GOLGA4: variants seen among roughly 807,000 people sequenced by gnomAD.
The protein encoded by GOLGA4 is golgin A4.
Under a neutral mutation model 265.9 loss-of-function variants are expected in GOLGA4, and 169 were observed. That is an observed-to-expected ratio of 0.64 (90% CI 0.56 to 0.72). The LOEUF (loss-of-function observed/expected upper bound fraction) is 0.72. GOLGA4 is among the 30% of genes least tolerant of loss of function. The pLI, the probability that GOLGA4 is intolerant of heterozygous loss-of-function variation, is 0.00. For missense variants in GOLGA4, 2,482 were observed against 2,483.4 expected (o/e 1.00, Z 0.01); for synonymous variants, 923 against 855.8 (o/e 1.08, Z -1.37).
intron 20 of GOLGA4, among the ~76,000 whole-genome samples, chr3:37,345,288 T>C (rs1203693278): frequency 6.6e-6 from 1 of 152,214 alleles, no homozygotes; most frequent in Non-Finnish European, 1.5e-5. Context: ...TGATTGTAAA[T>C]GTAATATTTA....
Position 37,296,180 on chromosome 3 carries a change from A to G in GOLGA4, c.775A>G (p.Thr259Ala). 6.2e-7 allele frequency: 1 copy of G among 1,614,034 alleles called. No individual in the cohort carries two copies. The highest frequency in any genetic ancestry group is 1.1e-5 in the South Asian group (1 of 91,080). Residue 259 changes from threonine (T) to alanine (A), a missense_variant, in exon 7 of 24, where the codon ACT becomes GCT. By Grantham distance (58) the Thr-to-Ala change is moderately conservative (BLOSUM62 0). Transcript: ENST00000361924. ...GCTGGAACCACAGGCTGAAGTCTTC[A>G]CTAAAGAAGAGAATCCAGAAAGTGA... ...PQLEPQAEVF[T>A]KEENPESDGE...
At chr3:37,347,348 T>C (rs928493738) in intron 21 of GOLGA4, 52 bp downstream of exon 21, 7 of 1,026,394 alleles carry the variant, frequency 6.8e-6, no homozygotes, top group African/African-American at 6.3e-5. Flanking sequence ...AAAAGAAATA[T>C]GTTCCACTTT....
intron 22 of GOLGA4, among the ~76,000 whole-genome samples, chr3:37,356,094 A>G (rs1287781332): frequency 6.6e-6 from 1 of 152,148 alleles, no homozygotes; most frequent in Non-Finnish European, 1.5e-5. Flanking sequence ...GTTTTCTTAC[A>G]AAAGTTCTTG....
At chr3:37,353,765 A>AT (rs1187542377) in intron 21 of GOLGA4, among the ~76,000 whole-genome samples, 1 of 151,890 alleles carries the variant, frequency 6.6e-6, no homozygotes, top group Non-Finnish European at 1.5e-5. Context: ...AATTTTTAAA[A>AT]TTTTTTGTAG....
chr3:37,366,115 A>G lies in GOLGA4; in HGVS notation c.*69A>G, dbSNP rs1236246588. On this transcript the variant is annotated 3_prime_UTR_variant, in exon 24 of 24. Transcript: ENST00000361924. The stretch of plus-strand genomic sequence containing the variant: ...GATCTTCATCTTGAAGAAGAGTGAC[A>G]TTGGGTGACTGCTGCTTGGAAAACT... The G allele has an allele frequency of 3.9e-6, 6 of 1,520,636 alleles. No homozygotes were observed. Among genetic ancestry groups the G allele is most frequent in the Non-Finnish European group, 5.3e-6 (6 of 1,137,146 alleles). 94.2% of individuals were successfully genotyped at this position (1,520,636 alleles called of 1,614,324 possible). A position where few individuals can be genotyped will look rare whatever the true frequency, so the allele number is the denominator to read the frequency against.
chr3:37,276,193 A>C, intron 2 of GOLGA4: 1 of 1,585,106 alleles, frequency 6.3e-7, no homozygotes, highest in African/African-American at 1.3e-5. Context: ...ATGAGGAAGA[A>C]TTAGGATCTC....
chr3:37,292,320 A>G (rs1455742512), intron 5 of GOLGA4, among the ~76,000 whole-genome samples: 3 of 152,180 alleles, frequency 2.0e-5, no homozygotes, highest in Admixed American at 2.0e-4. Flanking sequence ...TAGGGCCACT[A>G]ACTGTTGTAT....
At chr3:37,279,473 G>T (rs2096828679) in intron 2 of GOLGA4, among the ~76,000 whole-genome samples, 1 of 152,204 alleles carries the variant, frequency 6.6e-6, no homozygotes, top group South Asian at 2.1e-4. Flanking sequence ...TAATACAGTG[G>T]CACATGTGCA....
In GOLGA4 at chr3:37,257,968, TAC is replaced by T. The variant is rs1353949230; in HGVS notation, c.162+6486_162+6487del. 6.7e-3 allele frequency among the ~76,000 whole-genome samples: 695 copies of T among 104,452 alleles called. 124 individuals are homozygous for T. Among genetic ancestry groups the T allele is most frequent in the African/African-American group, 0.029 (645 of 22,610 alleles). 68.5% of individuals were successfully genotyped at this position (104,452 alleles called of 152,430 possible). On this transcript the variant is annotated intron_variant, in intron 2 of 23. Coordinates refer to ENST00000361924, the MANE Select transcript of GOLGA4 (RefSeq NM_002078.5). ...ATATATGTATGTATATATGTATATA[TAC>T]ATACATATATATATGTATGTATATA...
intron 5 of GOLGA4, among the ~76,000 whole-genome samples, chr3:37,293,467 G>A (rs2096870198): frequency 6.6e-6 from 1 of 152,120 alleles, no homozygotes; most frequent in African/African-American, 2.4e-5. Context: ...GTAAAAGATA[G>A]GATCTAAACA....
At chr3:37,329,310 G>A (rs998558198) in intron 16 of GOLGA4, 3 of 380,104 alleles carry the variant, frequency 7.9e-6, no homozygotes, top group Non-Finnish European at 1.4e-5. Context: ...TGCTAACTAG[G>A]CAGCACAGTC....
intron 21 of GOLGA4, among the ~76,000 whole-genome samples, chr3:37,351,442 C>G (rs2097074202): frequency 1.3e-5 from 2 of 152,142 alleles, no homozygotes; most frequent in African/African-American, 4.8e-5. Context: ...ACATTTTGAT[C>G]TCTTCCCATG....
chr3:37,258,765 C>A (rs1379550492), intron 2 of GOLGA4, among the ~76,000 whole-genome samples: 1 of 152,090 alleles, frequency 6.6e-6, no homozygotes, highest in Non-Finnish European at 1.5e-5. Flanking sequence ...TTCCTAAATC[C>A]TTTATTATAT....
At chr3:37,328,560 A>G (rs749605054) in intron 15 of GOLGA4, 23 bp downstream of exon 15, 2 of 1,595,342 alleles carry the variant, frequency 1.3e-6, no homozygotes, top group Admixed American at 1.7e-5. Context: ...AAGTTCCATA[A>G]GGAACAATTA....
chr3:37,335,199 CT>C lies in GOLGA4; in HGVS notation c.6306+35del, dbSNP rs750249610. The C allele has an allele frequency of 1.2e-5, 13 of 1,091,294 alleles. No homozygotes were observed. The Admixed American group carries it at 2.3e-4, about 19-fold the overall frequency. 67.6% of individuals were successfully genotyped at this position (1,091,294 alleles called of 1,614,324 possible). On this transcript the variant is annotated intron_variant, in intron 17 of 23. Transcript: ENST00000361924. ...GAGTTTGAGTTTGCTGCACATGTTT[CT>C]TGAAAACATTGTCATTTCTGTGATT...
At chr3:37,335,260 C>G (rs1019678507) in intron 17 of GOLGA4, 94 bp downstream of exon 17, 5 of 667,212 alleles carry the variant, frequency 7.5e-6, no homozygotes, top group Admixed American at 2.7e-5. Flanking sequence ...ATATTTATCT[C>G]ATTTAATCCT....
At chr3:37,272,458 G>A (rs951482225) in intron 2 of GOLGA4, among the ~76,000 whole-genome samples, 7 of 152,176 alleles carry the variant, frequency 4.6e-5, no homozygotes, top group African/African-American at 1.7e-4. Flanking sequence ...GATCCCTTGA[G>A]ACTGGGAGCT....
chr3:37,321,944 T>C (rs2096956123), intron 13 of GOLGA4, 58 bp downstream of exon 13: 1 of 1,399,422 alleles, frequency 7.1e-7, no homozygotes, highest in African/African-American at 1.4e-5. Flanking sequence ...TATGAAAATT[T>C]GTTGTCTCTA....
Position 37,315,473 on chromosome 3 carries a change from C to T in GOLGA4, c.1288C>T (p.Arg430Trp), listed in dbSNP as rs373660326. The change falls in exon 11 of 24, where the codon CGG (arginine) becomes TGG (tryptophan). Residue 430 changes from arginine to tryptophan, a missense_variant. Physicochemically the swap from Arg to Trp is moderately radical, Grantham distance 101. This residue lies in a region of GOLGA4 where 1,536 missense variants were observed against 1,483.7 expected (regional missense o/e 1.04). Coordinates refer to ENST00000361924, the MANE Select transcript of GOLGA4 (RefSeq NM_002078.5). ...LSTAQKTEEA[R>W]RKLKAEMDEQ... is the part of the protein sequence containing the mutation. ...TACAGCCCAAAAAACAGAGGAAGCACGGAGAAAACTGAAGGCAGAAATGGA... is the reference window on the plus strand; with the variant it reads ...TACAGCCCAAAAAACAGAGGAAGCATGGAGAAAACTGAAGGCAGAAATGGA... 21 of 1,613,512 alleles carry T rather than the reference C, an allele frequency of 1.3e-5. No individual in the cohort carries two copies. Among genetic ancestry groups the T allele is most frequent in the Admixed American group, 5.0e-5 (3 of 59,968 alleles).
Sources: gnomAD v4.1 joint callset for allele counts (sites outside exome capture counted in the v4.1 genomes callset) on GRCh38, gnomAD v4.1.1 for gene constraint, gnomAD v4.1.1 regional missense constraint, MANE v1.5 for transcripts, NCBI Gene and HGNC (gene_info 2026-07-23, HGNC 2026-07-21) for gene names.